Variants in PRLR observed in about 807,000 individuals in gnomAD.
PRLR encodes prolactin receptor.
Under a neutral mutation model 40.2 loss-of-function variants are expected in PRLR, and 13 were observed. That is an observed-to-expected ratio of 0.32 (90% CI 0.21 to 0.51). The LOEUF (loss-of-function observed/expected upper bound fraction) is 0.51, where lower values mean the gene tolerates loss of function less well. PRLR is among the 20% of genes least tolerant of loss of function. The pLI is 0.97. For synonymous variants in PRLR, 269 were observed against 278.7 expected (o/e 0.97, Z 0.35); for missense variants, 656 against 747.3 (o/e 0.88, Z 1.42).
chr5:35,228,702 G>A (rs1326623519), intron 1 of PRLR, among the ~76,000 whole-genome samples: 1 of 152,216 alleles, frequency 6.6e-6, no homozygotes, highest in African/African-American at 2.4e-5. Flanking sequence ...CCTGGAGTCA[G>A]AGGCTGGTAG....
intron 1 of PRLR, among the ~76,000 whole-genome samples, chr5:35,157,674 A>G (rs1432730562): frequency 1.3e-5 from 2 of 152,164 alleles, no homozygotes; most frequent in African/African-American, 4.8e-5. Context: ...TTAAGCACAC[A>G]TACCCTCATC....
At chr5:35,197,867 G>C (rs1775778073) in intron 1 of PRLR, among the ~76,000 whole-genome samples, 1 of 152,240 alleles carries the variant, frequency 6.6e-6, no homozygotes, top group Non-Finnish European at 1.5e-5. Context: ...TCCCCTGAGG[G>C]CATGCCTTGG....
intron 1 of PRLR, among the ~76,000 whole-genome samples, chr5:35,211,618 A>G (rs898671460): frequency 6.6e-6 from 1 of 152,250 alleles, no homozygotes; most frequent in Non-Finnish European, 1.5e-5. Context: ...AGGATCTGCT[A>G]TATAACCTGA....
intron 1 of PRLR, among the ~76,000 whole-genome samples, chr5:35,150,779 C>A (rs376945137): frequency 6.6e-6 from 1 of 152,118 alleles, no homozygotes; most frequent in Non-Finnish European, 1.5e-5. Context: ...ATTTCACATG[C>A]CTTAGAGGAG....
In PRLR at chr5:35,084,529, G is replaced by A; in HGVS notation, c.314C>T (p.Ala105Val). The change falls in exon 5 of 10, where the codon GCC becomes GTC. Residue 105 changes from alanine (A) to valine (V), a missense_variant. Physicochemically the swap from Ala to Val is moderately conservative, Grantham distance 64. Transcript: ENST00000618457. ...GAAACTGCTTCCCATCTGGTTAGTG[G>A]CATTGACCATCATGATGTATGTCCT... is the stretch of plus-strand genomic sequence containing the variant. ...MWRTYIMMVN[A>V]TNQMGSSFSD... 2 of 1,601,560 alleles carry A rather than the reference G, an allele frequency of 1.2e-6. No individual in the cohort carries two copies. The highest frequency in any genetic ancestry group is 2.3e-5 in the East Asian group (1 of 44,234).
chr5:35,159,067 T>C (rs1415347585), intron 1 of PRLR, among the ~76,000 whole-genome samples: 1 of 152,200 alleles, frequency 6.6e-6, no homozygotes, highest in Non-Finnish European at 1.5e-5. Flanking sequence ...CAAGTAACAA[T>C]GAACCAGCAC....
At position 35,089,643 on chromosome 5, in the gene PRLR, A is replaced by C; in HGVS notation, c.-23T>G. On this transcript the variant is annotated 5_prime_UTR_variant, in exon 3 of 10. Transcript: ENST00000618457. ...CATGTTGGCTGCCTTCTCTTGCTGC[A>C]GGAAATGTATCAGAAGTTCACTGGA... The C allele has an allele frequency of 6.2e-7, 1 of 1,613,764 alleles. No individual in the cohort carries two copies. The highest frequency in any genetic ancestry group is 8.5e-7 in the Non-Finnish European group (1 of 1,179,668).
chr5:35,134,216 C>T (rs937307173), intron 1 of PRLR, among the ~76,000 whole-genome samples: 4 of 152,128 alleles, frequency 2.6e-5, no homozygotes, highest in African/African-American at 9.7e-5. Context: ...AAACCCTTCA[C>T]ATATAAAGAG....
chr5:35,154,418 C>T (rs894732733), intron 1 of PRLR, among the ~76,000 whole-genome samples: 2 of 152,114 alleles, frequency 1.3e-5, no homozygotes, highest in Admixed American at 1.3e-4. Context: ...TATTTTTTAA[C>T]TTATCTATTT....
At chr5:35,086,098 C>G (rs780969259) in intron 4 of PRLR, 110 bp downstream of exon 4, 12 of 1,357,294 alleles carry the variant, frequency 8.8e-6, no homozygotes, top group Non-Finnish European at 1.2e-5. Context: ...TGGTATGAAC[C>G]TTACTGGTGT....
At chr5:35,147,936 A>C (rs1436379637) in intron 1 of PRLR, among the ~76,000 whole-genome samples, 1 of 152,180 alleles carries the variant, frequency 6.6e-6, no homozygotes, top group Non-Finnish European at 1.5e-5. Flanking sequence ...AGAAATTAGA[A>C]GAATTAGAAG....
chr5:35,075,061 A>G (rs1318458329), intron 5 of PRLR, among the ~76,000 whole-genome samples: 1 of 152,200 alleles, frequency 6.6e-6, no homozygotes, highest in Non-Finnish European at 1.5e-5. Flanking sequence ...AAAATTTGCC[A>G]TCCGTGGTCT....
At chr5:35,149,905 C>G (rs749141725) in intron 1 of PRLR, among the ~76,000 whole-genome samples, 17 of 151,884 alleles carry the variant, frequency 1.1e-4, no homozygotes, top group African/African-American at 4.1e-4. Flanking sequence ...GTTGCCCAGG[C>G]TGGAGTGCAA....
At chr5:35,112,569 TG>T in intron 2 of PRLR, among the ~76,000 whole-genome samples, 1 of 152,128 alleles carries the variant, frequency 6.6e-6, no homozygotes, top group Non-Finnish European at 1.5e-5. Context: ...GGGAAAGCAC[TG>T]GGCTCAAGGT....
intron 5 of PRLR, among the ~76,000 whole-genome samples, chr5:35,075,029 T>G (rs1271594553): frequency 6.6e-6 from 1 of 152,152 alleles, no homozygotes; most frequent in Non-Finnish European, 1.5e-5. Context: ...ATGAGTTACA[T>G]TTGCCTAAAA....
chr5:35,074,208 C>T (rs1769923313), intron 5 of PRLR, among the ~76,000 whole-genome samples: 1 of 152,088 alleles, frequency 6.6e-6, no homozygotes, highest in Non-Finnish European at 1.5e-5. Flanking sequence ...TGCCTGTAAT[C>T]CTACCATTTT....
At chr5:35,136,495 A>C (rs1197759776) in intron 1 of PRLR, among the ~76,000 whole-genome samples, 1 of 152,226 alleles carries the variant, frequency 6.6e-6, no homozygotes, top group Non-Finnish European at 1.5e-5. Flanking sequence ...GTGTCTCCAG[A>C]CATTGCCAAA....
intron 2 of PRLR, among the ~76,000 whole-genome samples, chr5:35,105,633 C>T (rs563825771): frequency 6.6e-6 from 1 of 152,014 alleles, no homozygotes; most frequent in African/African-American, 2.4e-5. Context: ...GTATCAGTGA[C>T]TGAAGATCAA....
At chr5:35,072,838 C>G in intron 5 of PRLR, 94 bp from the exon 6 acceptor site, 1 of 1,423,864 alleles carries the variant, frequency 7.0e-7, no homozygotes, top group Non-Finnish European at 9.5e-7. Flanking sequence ...TTCTGTTTAT[C>G]ATCTCACTCT....
Sources: gnomAD v4.1 joint callset for allele counts (sites outside exome capture counted in the v4.1 genomes callset) on GRCh38, gnomAD v4.1.1 for gene constraint, MANE v1.5 for transcripts, NCBI Gene and HGNC (gene_info 2026-07-23, HGNC 2026-07-21) for gene names.